SCN1A: variants seen among roughly 807,000 people sequenced by gnomAD.
SCN1A encodes sodium voltage-gated channel alpha subunit 1, also known as sodium channel protein type 1 subunit alpha.
A neutral mutation model predicts 193.7 loss-of-function variants in SCN1A; 13 were observed. That is an observed-to-expected ratio of 0.07 (90% CI 0.04 to 0.11). SCN1A has a LOEUF of 0.11. Among genes scored for constraint, SCN1A ranks in the 10% least tolerant of loss-of-function variants. The pLI, the probability that SCN1A is intolerant of heterozygous loss-of-function variation, is 1.00. For synonymous variants in SCN1A, 781 were observed against 843.6 expected (o/e 0.93, Z 1.29); for missense variants, 1,432 against 2,451.1 (o/e 0.58, Z 8.78).
At chr2:166,068,667 G>C (rs1365939779) in intron 4 of SCN1A, among the ~76,000 whole-genome samples, 2 of 152,158 alleles carry the variant, frequency 1.3e-5, no homozygotes, top group African/African-American at 4.8e-5. Context: ...TCCTTTGGCA[G>C]TGATAGACCA....
intron 19 of SCN1A, among the ~76,000 whole-genome samples, chr2:166,031,364 T>C (rs1695530001): frequency 6.6e-6 from 1 of 152,124 alleles, no homozygotes; most frequent in African/African-American, 2.4e-5. Flanking sequence ...TCAGCTCCTG[T>C]GATTTACGCC....
intron 2 of SCN1A, among the ~76,000 whole-genome samples, chr2:166,110,037 A>G (rs1689126071): frequency 6.6e-6 from 1 of 152,178 alleles, no homozygotes; most frequent in Admixed American, 6.5e-5. Context: ...AATGTTTGTA[A>G]CACAAAGTAA....
At chr2:166,047,920 C>A in intron 10 of SCN1A, 152 bp from the exon 11 acceptor site, 1 of 913,046 alleles carries the variant, frequency 1.1e-6, no homozygotes, top group South Asian at 1.5e-5. Context: ...CTTTTGACTG[C>A]ATATAGTCTT....
intron 1 of SCN1A, among the ~76,000 whole-genome samples, chr2:166,146,728 A>C (rs997298957): frequency 6.6e-6 from 1 of 152,244 alleles, no homozygotes; most frequent in Non-Finnish European, 1.5e-5. Flanking sequence ...GCCAAATCAC[A>C]CAGTGAACAA....
chr2:166,055,275 G>A (rs1292012965), intron 6 of SCN1A, among the ~76,000 whole-genome samples: 1 of 151,228 alleles, frequency 6.6e-6, no homozygotes, highest in Non-Finnish European at 1.5e-5. Context: ...AGGGTTATAA[G>A]AAGTAAAAAT....
chr2:166,013,922 G>A, intron 20 of SCN1A, 24 bp from the exon 21 acceptor site: 2 of 1,608,222 alleles, frequency 1.2e-6, no homozygotes, highest in Non-Finnish European at 1.7e-6. Flanking sequence ...TGAAATAAAA[G>A]TAGATAAAGT....
At chr2:166,127,464 G>T (rs926262384) in intron 1 of SCN1A, among the ~76,000 whole-genome samples, 1 of 152,154 alleles carries the variant, frequency 6.6e-6, no homozygotes, top group Non-Finnish European at 1.5e-5. Flanking sequence ...ACCTTGAATA[G>T]GATGAAGGCA....
chr2:166,064,373 G>C (rs1002692588), intron 4 of SCN1A, among the ~76,000 whole-genome samples: 15 of 152,142 alleles, frequency 9.9e-5, no homozygotes, highest in African/African-American at 3.6e-4. Context: ...TAGCAGGGCT[G>C]TTAATATGTT....
chr2:166,069,567 G>A (rs1684200901), intron 4 of SCN1A, among the ~76,000 whole-genome samples: 1 of 152,142 alleles, frequency 6.6e-6, no homozygotes, highest in African/African-American at 2.4e-5. Context: ...GCTTCAGTGT[G>A]GTGGTTGTGT....
intron 27 of SCN1A, 31 bp from the exon 28 acceptor site, chr2:165,994,447 A>G: frequency 1.2e-6 from 2 of 1,609,222 alleles, no homozygotes; most frequent in South Asian, 1.1e-5. Flanking sequence ...TTTTAACAAC[A>G]AAGGAGTTTT....
chr2:166,084,165 C>T (rs1388027360), intron 2 of SCN1A, among the ~76,000 whole-genome samples: 1 of 151,964 alleles, frequency 6.6e-6, no homozygotes, highest in Non-Finnish European at 1.5e-5. Flanking sequence ...ATTCATCTTC[C>T]CCTTTCTCGA....
rs1697449907 is a variant in SCN1A, at chr2:166,043,861, T to A, written c.1851A>T (p.Arg617Ser). ...TGGTCTGACTCAGGTTGCTGTTGCG[T>A]CTCTCTCCGTGTCGTCGGGGCACAA... ...SLFVPRRHGERRNSNLSQTSR... is the reference protein window; with the variant it reads ...SLFVPRRHGESRNSNLSQTSR... The change falls in exon 14 of 29, where the codon AGA becomes AGT. Residue 617 changes from arginine to serine, a missense_variant. Transcript: ENST00000674923. 1.2e-6 allele frequency: 2 copies of A among 1,614,042 alleles called. No homozygotes were observed. Among genetic ancestry groups the A allele is most frequent in the Non-Finnish European group, 1.7e-6 (2 of 1,180,024 alleles).
rs766418091 is a variant in SCN1A at position 166,044,052 on chromosome 2, A to G, written c.1663-3T>C. 9.3e-6 allele frequency: 15 copies of G among 1,614,142 alleles called. No homozygotes were observed. In the Admixed American group the frequency reaches 2.0e-4, roughly 22 times the overall value. On this transcript the variant is annotated splice_polypyrimidine_tract_variant and splice_region_variant and intron_variant, in intron 13 of 28. Transcript: ENST00000674923. ...GAGCCACGGATGCTCAACAAAGACTAGAAGTTTGAAAGAGCAAACAAATAA... is the reference window on the plus strand; with the variant it reads ...GAGCCACGGATGCTCAACAAAGACTGGAAGTTTGAAAGAGCAAACAAATAA...
At chr2:166,017,007 A>G (rs896790510) in intron 19 of SCN1A, among the ~76,000 whole-genome samples, 15 of 150,326 alleles carry the variant, frequency 1.0e-4, no homozygotes, top group Non-Finnish European at 2.2e-4. Flanking sequence ...GTCTGGGTCC[A>G]TATCTAGTTG....
chr2:166,052,173 T>C (rs1698648839), intron 8 of SCN1A, among the ~76,000 whole-genome samples, 185 bp from the exon 9 acceptor site: 1 of 152,032 alleles, frequency 6.6e-6, no homozygotes, highest in Non-Finnish European at 1.5e-5. Context: ...TGTAATGATT[T>C]AAACAATGAA....
intron 1 of SCN1A, among the ~76,000 whole-genome samples, chr2:166,140,145 G>A (rs1020183387): frequency 6.6e-6 from 1 of 152,044 alleles, no homozygotes; most frequent in Non-Finnish European, 1.5e-5. Context: ...ACACAGTAAC[G>A]AGGTGACTAA....
chr2:166,036,013 T>A (rs774839916), intron 19 of SCN1A, 35 bp downstream of exon 19: 3 of 1,598,678 alleles, frequency 1.9e-6, no homozygotes, highest in Non-Finnish European at 2.6e-6. Context: ...TATATGTATA[T>A]GTATTCATAC....
intron 2 of SCN1A, among the ~76,000 whole-genome samples, chr2:166,102,572 A>T (rs1268901001): frequency 6.6e-6 from 1 of 152,088 alleles, no homozygotes; most frequent in Non-Finnish European, 1.5e-5. Flanking sequence ...GTTGTGGGGA[A>T]AAGGGAACAC....
intron 9 of SCN1A, among the ~76,000 whole-genome samples, chr2:166,050,635 A>ATATATATATATATATATATATATT: frequency 1.2e-5 from 1 of 83,200 alleles, no homozygotes; most frequent in Non-Finnish European, 2.3e-5. Context: ...ATATATATAT[A>ATATATATATATATATATATATATT]TATGTGTGTA....
Sources: allele counts gnomAD v4.1 joint callset (sites outside exome capture counted in the v4.1 genomes callset), GRCh38; gene constraint gnomAD v4.1.1; transcripts MANE v1.5; gene names NCBI Gene and HGNC (gene_info 2026-07-23, HGNC 2026-07-21).